The following LMNTD1 variants were observed in gnomAD, a reference collection of about 807,000 sequenced individuals.
LMNTD1 encodes the protein lamin tail domain containing 1, also known as lamin tail domain-containing protein 1.
Under a neutral mutation model 50.9 loss-of-function variants are expected in LMNTD1, and 35 were observed. The observed-to-expected ratio is 0.69, with a 90% CI of 0.53 to 0.91. The LOEUF is 0.91. LMNTD1 is among the 40% of genes least tolerant of loss of function. The probability of loss-of-function intolerance (pLI) is 0.00; values close to 1 mark genes in which losing one functional copy is unlikely to be tolerated. For synonymous variants in LMNTD1, 153 were observed against 161.9 expected, an observed-to-expected ratio of 0.94 and a Z score of 0.42; for missense variants, 470 against 475.5, an observed-to-expected ratio of 0.99 and a Z score of 0.11.
At chr12:25,644,092 G>A (rs925050288) in intron 1 of LMNTD1, among the ~76,000 whole-genome samples, 5 of 152,122 alleles carry the variant, frequency 3.3e-5, no homozygotes, top group Non-Finnish European at 7.3e-5. Flanking sequence ...TGAAGAAGGT[G>A]AGTATAATGA....
intron 1 of LMNTD1, among the ~76,000 whole-genome samples, chr12:25,587,005 A>T (rs1319418677): frequency 6.6e-6 from 1 of 152,166 alleles, no homozygotes; most frequent in Non-Finnish European, 1.5e-5. Context: ...CATGTAGTTC[A>T]CTTAACCCAT....
intron 8 of LMNTD1, among the ~76,000 whole-genome samples, chr12:25,516,661 G>C (rs1438284755): frequency 6.6e-6 from 1 of 152,014 alleles, no homozygotes; most frequent in African/African-American, 2.4e-5. Context: ...TATCTTTACA[G>C]ATGAGGAAAC....
At chr12:25,550,519 T>G (rs183084448) in intron 2 of LMNTD1, among the ~76,000 whole-genome samples, 14 of 152,272 alleles carry the variant, frequency 9.2e-5, no homozygotes, top group Admixed American at 1.3e-4. Flanking sequence ...TTTCTGGGGG[T>G]CCACATATCT....
At chr12:25,580,233 C>T (rs1945224070) in intron 1 of LMNTD1, among the ~76,000 whole-genome samples, 1 of 152,114 alleles carries the variant, frequency 6.6e-6, no homozygotes, top group African/African-American at 2.4e-5. Flanking sequence ...TTTCATGACC[C>T]CCTCTGGCCC....
chr12:25,635,103 C>G (rs7977397), intron 1 of LMNTD1, among the ~76,000 whole-genome samples: 93,991 of 151,580 alleles, frequency 0.62, 29,538 homozygotes, highest in Non-Finnish European at 0.68. Context: ...AGCCGGGCAT[C>G]GTGGCACATG....
intron 4 of LMNTD1, among the ~76,000 whole-genome samples, chr12:25,544,662 T>C (rs2136216048): frequency 6.6e-6 from 1 of 151,926 alleles, no homozygotes; most frequent in Non-Finnish European, 1.5e-5. Flanking sequence ...GTTAAGTAAT[T>C]TTCTTTGGTA....
At chr12:25,608,949 C>A (rs547381899) in intron 1 of LMNTD1, among the ~76,000 whole-genome samples, 1 of 152,324 alleles carries the variant, frequency 6.6e-6, no homozygotes. Context: ...ATGTCACTTT[C>A]AGGTACACCA....
chr12:25,510,627 CCTTT>C (rs529174935), intron 8 of LMNTD1, among the ~76,000 whole-genome samples: 281 of 151,926 alleles, frequency 1.8e-3, no homozygotes, highest in African/African-American at 6.6e-3. Context: ...TTTTGTTGTT[CCTTT>C]CTTTCCTTAT....
intron 8 of LMNTD1, among the ~76,000 whole-genome samples, chr12:25,512,969 G>C (rs1940422617): frequency 6.6e-6 from 1 of 152,082 alleles, no homozygotes; most frequent in African/African-American, 2.4e-5. Flanking sequence ...GAACACCGAG[G>C]GGCAGGATGA....
intron 4 of LMNTD1, among the ~76,000 whole-genome samples, chr12:25,539,997 C>A (rs61926975): frequency 6.2e-4 from 91 of 147,364 alleles, no homozygotes; most frequent in Non-Finnish European, 1.2e-3. Flanking sequence ...AATTCCTTGA[C>A]ACATACACTC....
At chr12:25,621,208 T>G (rs1290013017) in intron 1 of LMNTD1, among the ~76,000 whole-genome samples, 1 of 152,112 alleles carries the variant, frequency 6.6e-6, no homozygotes, top group Non-Finnish European at 1.5e-5. Flanking sequence ...GTTAATACAT[T>G]GGCAGGGGTA....
chr12:25,481,420 A>G (rs1938440562), intron 9 of LMNTD1, among the ~76,000 whole-genome samples: 1 of 152,064 alleles, frequency 6.6e-6, no homozygotes, highest in Non-Finnish European at 1.5e-5. Flanking sequence ...CAGGCAAGTC[A>G]TTCTATATTT....
intron 1 of LMNTD1, among the ~76,000 whole-genome samples, chr12:25,621,947 T>A (rs967481013): frequency 6.6e-6 from 1 of 152,212 alleles, no homozygotes; most frequent in African/African-American, 2.4e-5. Context: ...TGGCTGCTGT[T>A]AGAACAATCA....
intron 1 of LMNTD1, among the ~76,000 whole-genome samples, chr12:25,647,416 G>A (rs200121232): frequency 6.6e-6 from 1 of 152,310 alleles, no homozygotes; most frequent in South Asian, 2.1e-4. Context: ...TTGAGCCTGG[G>A]GGGGCAGAGG....
chr12:25,542,410 T>C (rs1213306720), intron 4 of LMNTD1, among the ~76,000 whole-genome samples: 5 of 150,842 alleles, frequency 3.3e-5, no homozygotes, highest in Non-Finnish European at 5.9e-5. Context: ...GATGAGTTCA[T>C]GTCCTTTGTA....
At chr12:25,490,209 G>A (rs2340442) in intron 9 of LMNTD1, among the ~76,000 whole-genome samples, 142,991 of 152,272 alleles carry the variant, frequency 0.94, 67,364 homozygotes, top group East Asian at 0.99. Flanking sequence ...TACAGCTAGC[G>A]AAGAAACTAT....
At chr12:25,624,958 T>C (rs148302049) in intron 1 of LMNTD1, among the ~76,000 whole-genome samples, 1 of 152,320 alleles carries the variant, frequency 6.6e-6, no homozygotes, top group Non-Finnish European at 1.5e-5. Flanking sequence ...CGGAGTCCTG[T>C]AGATCAAAAG....
chr12:25,607,200 G>A (rs1295350823), intron 1 of LMNTD1, among the ~76,000 whole-genome samples: 2 of 152,082 alleles, frequency 1.3e-5, no homozygotes, highest in African/African-American at 4.8e-5. Context: ...GTTTTTTATT[G>A]CATCTGTTTG....
At chr12:25,563,844 G>A (rs1944439867) in intron 1 of LMNTD1, among the ~76,000 whole-genome samples, 1 of 152,162 alleles carries the variant, frequency 6.6e-6, no homozygotes, top group African/African-American at 2.4e-5. Context: ...CTCAGCAATG[G>A]TGGGCGCCCC....
Sources: gnomAD v4.1 joint callset for allele counts (sites outside exome capture counted in the v4.1 genomes callset) on GRCh38, gnomAD v4.1.1 for gene constraint, MANE v1.5 for transcripts, NCBI Gene and HGNC (gene_info 2026-07-23, HGNC 2026-07-21) for gene names.